GLCE: variants seen among roughly 807,000 people sequenced by gnomAD.
GLCE encodes D-glucuronyl C5-epimerase.
Under a neutral mutation model 47.9 loss-of-function variants are expected in GLCE, and 19 were observed. That is an observed-to-expected ratio of 0.40 (90% confidence interval 0.28 to 0.58). GLCE has a LOEUF of 0.58. Among genes scored for constraint, GLCE ranks in the 20% least tolerant of loss-of-function variants. The pLI is 0.48. For synonymous variants in GLCE, 245 were observed against 263.4 expected (o/e 0.93, Z 0.68); for missense variants, 556 against 743.3 (o/e 0.75, Z 2.93).
intron 1 of GLCE, among the ~76,000 whole-genome samples, chr15:69,180,969 G>A (rs2051741155): frequency 6.6e-6 from 1 of 152,148 alleles, no homozygotes; most frequent in South Asian, 2.1e-4. Flanking sequence ...GAGAGGTGAT[G>A]GCTTGGACCA....
intron 1 of GLCE, among the ~76,000 whole-genome samples, chr15:69,191,377 A>G (rs970601020): frequency 1.3e-5 from 2 of 152,180 alleles, no homozygotes; most frequent in African/African-American, 2.4e-5. Flanking sequence ...GACTTAGCAT[A>G]TAGTCAAACT....
chr15:69,266,796 C>T, intron 4 of GLCE: 1 of 688,180 alleles, frequency 1.5e-6, no homozygotes. Context: ...GTCCGGGAAA[C>T]CTGGATTCTA....
intron 3 of GLCE, among the ~76,000 whole-genome samples, chr15:69,257,520 T>G (rs1184202172): frequency 6.6e-6 from 1 of 152,054 alleles, no homozygotes; most frequent in Non-Finnish European, 1.5e-5. Flanking sequence ...TTAAAATTTA[T>G]TTTTTGTAAA....
chr15:69,198,863 C>A (rs973233432), intron 1 of GLCE, among the ~76,000 whole-genome samples: 2 of 152,046 alleles, frequency 1.3e-5, no homozygotes, highest in African/African-American at 4.8e-5. Context: ...CCAATATTTT[C>A]TTCTTTATAA....
Position 69,268,380 on chromosome 15 carries a change from T to G in GLCE, c.990T>G (p.Ile330Met), listed in dbSNP as rs757566456. 1 of 1,614,162 alleles carries G rather than the reference T, an allele frequency of 6.2e-7. No individual in the cohort carries two copies. The highest frequency in any genetic ancestry group is 8.5e-7 in the Non-Finnish European group (1 of 1,180,008). ...ATTATGTCTCAAATGCTCAGCTAAT[T>G]GCTTTTAAAGAAAGAGATATATACT... ...TIHYVSNAQL[I>M]AFKERDIYYG... is the part of the protein sequence containing the mutation. Residue 330 changes from isoleucine (I) to methionine (M), a missense_variant, in exon 5 of 5, where the codon ATT becomes ATG. Around this residue, in one of 3 missense-constraint regions of GLCE, gnomAD observed 245 missense variants for 368.1 expected, o/e 0.67. Coordinates refer to ENST00000261858, the MANE Select transcript of GLCE (RefSeq NM_015554.3).
chr15:69,229,612 C>T lies in GLCE; in HGVS notation c.-14+19206C>T, dbSNP rs2052493467. ...TAATAATATGTTATGGAATTTTTCA[C>T]ATAAGTAGAGGTTTTTTTGTTTTTT... On this transcript the variant is annotated intron_variant, in intron 2 of 4. Transcript: ENST00000261858. Among the ~76,000 whole-genome samples, 3 of 151,152 alleles carry T rather than the reference C, an allele frequency of 2.0e-5. No homozygotes were observed. In the South Asian group the frequency reaches 6.3e-4, roughly 32 times the overall value.
intron 1 of GLCE, among the ~76,000 whole-genome samples, chr15:69,163,557 CAGTAGAGTTTT>C (rs2051458482): frequency 6.6e-6 from 1 of 152,076 alleles, no homozygotes. Flanking sequence ...AAATTACAAT[CAGTAGAGTTTT>C]AGGTGTTAAA....
intron 1 of GLCE, among the ~76,000 whole-genome samples, chr15:69,164,283 C>T (rs1249601141): frequency 1.3e-5 from 2 of 151,862 alleles, no homozygotes; most frequent in Non-Finnish European, 2.9e-5. Context: ...TTTGAATTAT[C>T]ATTCAGAGTT....
intron 2 of GLCE, among the ~76,000 whole-genome samples, chr15:69,223,475 A>T (rs987616321): frequency 2.1e-4 from 32 of 152,138 alleles, no homozygotes; most frequent in Non-Finnish European, 7.4e-5. Flanking sequence ...GTATATGATA[A>T]GTCTCTTTCT....
intron 4 of GLCE, among the ~76,000 whole-genome samples, chr15:69,265,436 A>T (rs1004232920): frequency 6.6e-6 from 1 of 152,164 alleles, no homozygotes; most frequent in African/African-American, 2.4e-5. Context: ...CTGTATATCT[A>T]TAAAATGGGA....
At chr15:69,191,858 A>G (rs1171873378) in intron 1 of GLCE, among the ~76,000 whole-genome samples, 1 of 152,076 alleles carries the variant, frequency 6.6e-6, no homozygotes, top group Non-Finnish European at 1.5e-5. Context: ...CCTGCATACT[A>G]GGTTGCCTTG....
At chr15:69,161,632 TC>T (rs989198586) in intron 1 of GLCE, among the ~76,000 whole-genome samples, 6 of 152,164 alleles carry the variant, frequency 3.9e-5, no homozygotes, top group African/African-American at 1.2e-4. Flanking sequence ...ACGTTTTTGT[TC>T]AGGTCTCCTT....
intron 2 of GLCE, among the ~76,000 whole-genome samples, chr15:69,222,420 G>T (rs963398380): frequency 6.6e-6 from 1 of 152,152 alleles, no homozygotes; most frequent in Non-Finnish European, 1.5e-5. Flanking sequence ...GGGACTATGC[G>T]AGGGGCTGGT....
At chr15:69,214,690 T>C (rs1248894436) in intron 2 of GLCE, among the ~76,000 whole-genome samples, 1 of 152,040 alleles carries the variant, frequency 6.6e-6, no homozygotes. Flanking sequence ...TTCATGCTGA[T>C]ACCTTCAACT....
intron 4 of GLCE, among the ~76,000 whole-genome samples, chr15:69,263,195 A>C (rs2053037869): frequency 2.0e-5 from 3 of 152,136 alleles, no homozygotes; most frequent in Non-Finnish European, 4.4e-5. Flanking sequence ...AGAGAAGGTG[A>C]GTTGGAGTTA....
chr15:69,236,946 A>G (rs2052600843), intron 2 of GLCE, among the ~76,000 whole-genome samples: 1 of 152,146 alleles, frequency 6.6e-6, no homozygotes, highest in Non-Finnish European at 1.5e-5. Flanking sequence ...CCCCCTTTTT[A>G]TAAAGGTCCC....
At chr15:69,249,462 T>C (rs1039547466) in intron 2 of GLCE, among the ~76,000 whole-genome samples, 4 of 152,118 alleles carry the variant, frequency 2.6e-5, no homozygotes, top group Admixed American at 2.6e-4. Flanking sequence ...AATCAGTGAG[T>C]TTGATTATTT....
intron 1 of GLCE, among the ~76,000 whole-genome samples, chr15:69,166,674 CT>C (rs2051506101): frequency 6.6e-6 from 1 of 152,140 alleles, no homozygotes; most frequent in Non-Finnish European, 1.5e-5. Context: ...AATCCCAGCA[CT>C]TTGGGAGGCC....
chr15:69,169,468 T>C (rs933091549), intron 1 of GLCE, among the ~76,000 whole-genome samples: 16 of 152,188 alleles, frequency 1.1e-4, no homozygotes, highest in African/African-American at 3.6e-4. Context: ...TTGTTACATA[T>C]GTATACATGT....
Sources: allele counts gnomAD v4.1 joint callset (sites outside exome capture counted in the v4.1 genomes callset), GRCh38; gene constraint gnomAD v4.1.1; regional missense constraint gnomAD v4.1.1; transcripts MANE v1.5; gene names NCBI Gene and HGNC (gene_info 2026-07-23, HGNC 2026-07-21).